Variants in CHST6 observed in about 807,000 individuals in gnomAD.
CHST6 encodes the protein N-acetylglucosamine 6-O-sulfotransferase 5.
For missense variants in CHST6, 698 were observed against 586.2 expected (o/e 1.19, Z -1.97); for synonymous variants, 309 against 276.4 (o/e 1.12, Z -1.17).
intron 1 of CHST6, among the ~76,000 whole-genome samples, chr16:75,493,459 C>T (rs1051576216): frequency 2.0e-5 from 3 of 148,814 alleles, no homozygotes; most frequent in East Asian, 2.0e-4. Context: ...TGCAGTGAGC[C>T]GAGATTATGT....
Position 75,481,807 on chromosome 16 carries a change from G to T in CHST6, c.-17+10C>A. 1.9e-6 allele frequency: 1 copy of T among 527,534 alleles called. No individual in the cohort carries two copies. The highest frequency in any genetic ancestry group is 3.6e-6 in the Non-Finnish European group (1 of 280,894). The allele number at this position is 527,534 out of a possible 1,614,324, so 32.7% of individuals were successfully genotyped here. A position where few individuals can be genotyped will look rare whatever the true frequency, so the allele number is the denominator to read the frequency against. The stretch of plus-strand genomic sequence containing the variant: ...GCAGAGGACTGTCCCGGCCAGCTGA[G>T]GGGACTCACCACTGTCCAGGGCTGC... On this transcript the variant is annotated intron_variant, in intron 2 of 2. Coordinates refer to ENST00000332272, the MANE Select transcript of CHST6 (RefSeq NM_021615.5).
rs914420494 is a variant in CHST6 at position 75,477,997 on chromosome 16, T to G, written c.*644A>C. Reference sequence around the variant, plus strand: ...AACTCTGGTCTCAGCATTCACAGCCTCCTCTATCTCTCAGCTGTGTCCCTG... The same window carrying G: ...AACTCTGGTCTCAGCATTCACAGCCGCCTCTATCTCTCAGCTGTGTCCCTG... On this transcript the variant is annotated 3_prime_UTR_variant, in exon 3 of 3. Coordinates refer to ENST00000332272, the MANE Select transcript of CHST6 (RefSeq NM_021615.5). 1 of 156,602 alleles carries G rather than the reference T, an allele frequency of 6.4e-6. No individual in the cohort carries two copies. The highest frequency in any genetic ancestry group is 1.4e-5 in the Non-Finnish European group (1 of 70,852). 9.7% of individuals were successfully genotyped at this position (156,602 alleles called of 1,614,324 possible).
chr16:75,492,355 C>A (rs2080265662), intron 1 of CHST6, among the ~76,000 whole-genome samples: 1 of 152,254 alleles, frequency 6.6e-6, no homozygotes, highest in South Asian at 2.1e-4. Context: ...TTCTGTGCAG[C>A]AACACACACA....
intron 1 of CHST6, among the ~76,000 whole-genome samples, chr16:75,485,654 A>G (rs529310437): frequency 6.6e-6 from 1 of 152,358 alleles, no homozygotes; most frequent in South Asian, 2.1e-4. Context: ...TGTGAAAAGT[A>G]GAACAAAAAA....
At chr16:75,486,448 C>T (rs773133777) in intron 1 of CHST6, among the ~76,000 whole-genome samples, 10 of 152,226 alleles carry the variant, frequency 6.6e-5, no homozygotes, top group Non-Finnish European at 1.0e-4. Context: ...GGGGCTGATC[C>T]ACCACTCCCG....
chr16:75,485,448 G>A (rs961763984), intron 1 of CHST6, among the ~76,000 whole-genome samples: 1 of 152,144 alleles, frequency 6.6e-6, no homozygotes, highest in African/African-American at 2.4e-5. Context: ...TTGGGCAACA[G>A]AGTGTGACCC....
chr16:75,480,273 G>T (rs975882521), intron 2 of CHST6, among the ~76,000 whole-genome samples: 4 of 152,168 alleles, frequency 2.6e-5, no homozygotes, highest in Non-Finnish European at 5.9e-5. Flanking sequence ...GGATGTCACA[G>T]CACGGCCAGG....
chr16:75,487,828 A>AG (rs1555501487), intron 1 of CHST6, among the ~76,000 whole-genome samples: 2 of 148,188 alleles, frequency 1.3e-5, no homozygotes, highest in Admixed American at 6.7e-5. Flanking sequence ...AAAAAAAAAA[A>AG]AGAGAAAAAA....
chr16:75,489,016 T>C (rs2080230581), intron 1 of CHST6, among the ~76,000 whole-genome samples: 1 of 152,016 alleles, frequency 6.6e-6, no homozygotes, highest in Non-Finnish European at 1.5e-5. Context: ...GTCTTTCCCA[T>C]CCATTTTCTG....
Position 75,478,555 on chromosome 16 carries a change from G to T in CHST6, c.*86C>A. 1 of 1,371,178 alleles carries T rather than the reference G, an allele frequency of 7.3e-7. No homozygotes were observed. 84.9% of individuals were successfully genotyped at this position (1,371,178 alleles called of 1,614,324 possible). A position where few individuals can be genotyped will look rare whatever the true frequency, so the allele number is the denominator to read the frequency against. ...TACCACAAACTCCTTGGTCAATATA[G>T]GGACCTGCTTCTCCGTGCGCCCCAG... On this transcript the variant is annotated 3_prime_UTR_variant, in exon 3 of 3. Transcript: ENST00000332272.
Position 75,475,313 on chromosome 16 carries a change from A to T in CHST6, c.*3328T>A, listed in dbSNP as rs1360793517. ...AAACTGGCTCACAGGAAGTTGCACT[A>T]CACTTGTCTACAGGACAAAGCAAGT... On this transcript the variant is annotated 3_prime_UTR_variant, in exon 3 of 3. Coordinates refer to ENST00000332272, the MANE Select transcript of CHST6 (RefSeq NM_021615.5). The T allele has an allele frequency of 2.6e-5, 4 of 152,352 alleles. No individual in the cohort carries two copies. In the East Asian group the frequency reaches 7.7e-4, roughly 29 times the overall value. The allele number at this position is 152,352 out of a possible 1,614,324, so 9.4% of individuals were successfully genotyped here.
intron 2 of CHST6, among the ~76,000 whole-genome samples, 161 bp downstream of exon 2, chr16:75,481,656 C>T (rs757347431): frequency 2.6e-5 from 4 of 152,152 alleles, no homozygotes; most frequent in African/African-American, 4.8e-5. Context: ...TTGCCATCAC[C>T]GGTAGGGGGT....
chr16:75,478,361 C>G lies in CHST6; in HGVS notation c.*280G>C, dbSNP rs938344365. ...GGGGAAGAAAGCCCTTGAGTAGGAGCCAAGTCATCTGAACGCACACCCTGT... is the reference window on the plus strand; with the variant it reads ...GGGGAAGAAAGCCCTTGAGTAGGAGGCAAGTCATCTGAACGCACACCCTGT... On this transcript the variant is annotated 3_prime_UTR_variant, in exon 3 of 3. Transcript: ENST00000332272. 1.2e-5 allele frequency: 6 copies of G among 500,332 alleles called. No homozygotes were observed. The highest frequency in any genetic ancestry group is 1.2e-4 in the African/African-American group (6 of 51,284). The allele number at this position is 500,332 out of a possible 1,614,324, so 31.0% of individuals were successfully genotyped here. A position where few individuals can be genotyped will look rare whatever the true frequency, so the allele number is the denominator to read the frequency against.
rs2080072440 is a variant in CHST6 at position 75,476,931 on chromosome 16, G to C, written c.*1710C>G. 6.6e-6 allele frequency: 1 copy of C among 151,982 alleles called. No individual in the cohort carries two copies. Among genetic ancestry groups the C allele is most frequent in the African/African-American group, 2.4e-5 (1 of 41,370 alleles). The allele number at this position is 151,982 out of a possible 1,614,324, so 9.4% of individuals were successfully genotyped here. A position where few individuals can be genotyped will look rare whatever the true frequency, so the allele number is the denominator to read the frequency against. On this transcript the variant is annotated 3_prime_UTR_variant, in exon 3 of 3. Coordinates refer to ENST00000332272, the MANE Select transcript of CHST6 (RefSeq NM_021615.5). The stretch of plus-strand genomic sequence containing the variant: ...CGCTAATTTTGTATTTTTAGTAGAG[G>C]AGGGGCTTCGCCATGTTGGCCAGGC...
intron 1 of CHST6, among the ~76,000 whole-genome samples, chr16:75,494,613 C>T (rs2550904): frequency 0.52 from 78,506 of 152,026 alleles, 23,648 homozygotes; most frequent in African/African-American, 0.8. Context: ...GCCAAGCTAC[C>T]GTCTCTCAAT....
At chr16:75,491,128 G>C (rs563979728) in intron 1 of CHST6, among the ~76,000 whole-genome samples, 11 of 121,204 alleles carry the variant, frequency 9.1e-5, no homozygotes, top group Middle Eastern at 7.6e-3. Context: ...TCAAGCCACT[G>C]CACTCCAGCT....
At position 75,478,718 on chromosome 16, in the gene CHST6, C is replaced by G. The variant is rs376274849; in HGVS notation, c.1111G>C (p.Ala371Pro). 1 of 1,613,586 alleles carries G rather than the reference C, an allele frequency of 6.2e-7. No individual in the cohort carries two copies. Among genetic ancestry groups the G allele is most frequent in the Non-Finnish European group, 8.5e-7 (1 of 1,180,028 alleles). Residue 371 changes from alanine to proline, a missense_variant, in exon 3 of 3, where the codon GCC (alanine) becomes CCC (proline). Coordinates refer to ENST00000332272, the MANE Select transcript of CHST6 (RefSeq NM_021615.5). ...VYSEDEQRNL[A>P]LDLVLPRGLN... ...CCTCGTGGCAGCACCAGATCAAGGG[C>G]GAGGTTGCGCTGCTCGTCCTCAGAG...
intron 1 of CHST6, among the ~76,000 whole-genome samples, chr16:75,491,108 T>A (rs1435783912): frequency 2.2e-5 from 3 of 134,378 alleles, no homozygotes; most frequent in Non-Finnish European, 3.1e-5. Flanking sequence ...GAGTTTGCAG[T>A]GAGCTGAAAT....
chr16:75,491,191 ATATATATAT>A (rs1409547074), intron 1 of CHST6, among the ~76,000 whole-genome samples: 6 of 40,890 alleles, frequency 1.5e-4, no homozygotes, highest in African/African-American at 2.1e-4. Context: ...AAAAAAAAAA[ATATATATAT>A]ATATATATAT....
Sources: gnomAD v4.1 joint callset for allele counts (sites outside exome capture counted in the v4.1 genomes callset) on GRCh38, gnomAD v4.1.1 for gene constraint, MANE v1.5 for transcripts, NCBI Gene and HGNC (gene_info 2026-07-23, HGNC 2026-07-21) for gene names.